Variants in ZNF385B observed in about 807,000 individuals in gnomAD.
The protein encoded by ZNF385B is zinc finger protein 385B, also known as zinc finger protein 533.
ZNF385B carries 23 observed loss-of-function variants against 39.2 expected under a neutral mutation model. The observed-to-expected ratio is 0.59, with a 90% CI of 0.42 to 0.83. The LOEUF (loss-of-function observed/expected upper bound fraction) is 0.83. ZNF385B is among the 40% of genes least tolerant of loss of function. ZNF385B has a pLI of 0.00. For synonymous variants in ZNF385B, 205 were observed against 222.6 expected, an observed-to-expected ratio of 0.92 and a Z score of 0.70; for missense variants, 552 against 598.9, an observed-to-expected ratio of 0.92 and a Z score of 0.82.
At chr2:179,629,736 A>G (rs1298365162) in intron 3 of ZNF385B, among the ~76,000 whole-genome samples, 2 of 152,290 alleles carry the variant, frequency 1.3e-5, no homozygotes, top group East Asian at 1.9e-4. Context: ...AGGAAGCACA[A>G]GGGGCTGGGG....
chr2:179,524,907 T>G (rs1170757193), intron 4 of ZNF385B, among the ~76,000 whole-genome samples: 1 of 152,078 alleles, frequency 6.6e-6, no homozygotes, highest in Non-Finnish European at 1.5e-5. Flanking sequence ...TTTCTAGCTG[T>G]GTAATAACAA....
Position 179,700,328 on chromosome 2 carries a change from C to T in ZNF385B, c.298+69175G>A, listed in dbSNP as rs145225059. Among the ~76,000 whole-genome samples, 36 of 152,268 alleles carry T rather than the reference C, an allele frequency of 2.4e-4. No individual in the cohort carries two copies. In the East Asian group the frequency reaches 2.5e-3, roughly 11 times the overall value. ...TCCACTGGATCCACATTCCATCGCT[C>T]GTATGGTATGGAATCCTTTCCATCT... On this transcript the variant is annotated intron_variant, in intron 3 of 9. Coordinates refer to ENST00000410066, the MANE Select transcript of ZNF385B (RefSeq NM_152520.6).
intron 3 of ZNF385B, among the ~76,000 whole-genome samples, chr2:179,634,730 G>A (rs1226795875): frequency 2.0e-5 from 3 of 152,104 alleles, no homozygotes; most frequent in Non-Finnish European, 4.4e-5. Flanking sequence ...TATAAATCAT[G>A]CTAGTATAAA....
intron 2 of ZNF385B, 73 bp from the exon 3 acceptor site, chr2:179,769,875 C>T (rs1703915007): frequency 6.3e-6 from 9 of 1,419,784 alleles, no homozygotes; most frequent in African/African-American, 5.7e-5. Context: ...TACAATTAAT[C>T]TTTAAGGGTT....
intron 6 of ZNF385B, among the ~76,000 whole-genome samples, chr2:179,452,226 G>T (rs527732679): frequency 2.0e-5 from 3 of 152,174 alleles, no homozygotes; most frequent in African/African-American, 7.2e-5. Flanking sequence ...AGCTCCAAAT[G>T]CTTGAAAACT....
At chr2:179,730,847 A>C (rs1701342920) in intron 3 of ZNF385B, among the ~76,000 whole-genome samples, 2 of 152,226 alleles carry the variant, frequency 1.3e-5, no homozygotes, top group African/African-American at 4.8e-5. Flanking sequence ...TAAAATCAAA[A>C]GTATAATTAA....
chr2:179,612,225 C>G (rs1024893219), intron 3 of ZNF385B, among the ~76,000 whole-genome samples: 4 of 152,082 alleles, frequency 2.6e-5, no homozygotes, highest in Non-Finnish European at 5.9e-5. Context: ...GTCCTTGATG[C>G]CTTATTTAGT....
intron 3 of ZNF385B, among the ~76,000 whole-genome samples, chr2:179,650,159 T>G (rs1693077102): frequency 6.6e-6 from 1 of 152,248 alleles, no homozygotes; most frequent in South Asian, 2.1e-4. Context: ...TACCTGTGTT[T>G]ACTGTCATGT....
At chr2:179,484,730 C>A (rs887893196) in intron 5 of ZNF385B, among the ~76,000 whole-genome samples, 1 of 151,808 alleles carries the variant, frequency 6.6e-6, no homozygotes, top group Non-Finnish European at 1.5e-5. Flanking sequence ...GCTAAAACAG[C>A]GAAAGATGCA....
At chr2:179,730,519 T>C (rs1001151315) in intron 3 of ZNF385B, among the ~76,000 whole-genome samples, 3 of 152,240 alleles carry the variant, frequency 2.0e-5, no homozygotes, top group Admixed American at 1.3e-4. Flanking sequence ...TTCTGCAAGA[T>C]TCTTCCTCCA....
At chr2:179,571,193 A>G (rs1685174186) in intron 3 of ZNF385B, among the ~76,000 whole-genome samples, 1 of 152,200 alleles carries the variant, frequency 6.6e-6, no homozygotes. Flanking sequence ...AACTGGACAA[A>G]GTCTTTGTTA....
At chr2:179,731,571 A>G (rs1032851739) in intron 3 of ZNF385B, among the ~76,000 whole-genome samples, 1 of 152,118 alleles carries the variant, frequency 6.6e-6, no homozygotes, top group Admixed American at 6.5e-5. Context: ...TCTTAATAAC[A>G]CCCATGCCAG....
chr2:179,563,811 T>G (rs1461458468), intron 3 of ZNF385B, among the ~76,000 whole-genome samples: 1 of 152,168 alleles, frequency 6.6e-6, no homozygotes. Context: ...AAAAAAGTCT[T>G]CATCTATGAT....
chr2:179,786,163 G>T (rs1246219236), intron 1 of ZNF385B, among the ~76,000 whole-genome samples: 3 of 152,056 alleles, frequency 2.0e-5, no homozygotes, highest in Non-Finnish European at 4.4e-5. Context: ...ATTAAGGTAT[G>T]TACATTTTTT....
At chr2:179,523,297 A>AC (rs1449488130) in intron 4 of ZNF385B, among the ~76,000 whole-genome samples, 2 of 137,596 alleles carry the variant, frequency 1.5e-5, no homozygotes, top group Non-Finnish European at 3.2e-5. Context: ...AATAAGAACA[A>AC]TTTTTTTTTT....
intron 5 of ZNF385B, among the ~76,000 whole-genome samples, chr2:179,495,379 G>C (rs558800545): frequency 1.3e-5 from 2 of 152,328 alleles, no homozygotes; most frequent in East Asian, 3.9e-4. Flanking sequence ...TTTGACTCTA[G>C]TACTCAACTG....
intron 3 of ZNF385B, among the ~76,000 whole-genome samples, chr2:179,733,169 C>T (rs16866968): frequency 0.22 from 32,807 of 152,054 alleles, 4,026 homozygotes; most frequent in East Asian, 0.49. Flanking sequence ...AGAGGGTCAG[C>T]GCAACTCCTG....
chr2:179,540,229 C>T (rs1473533942), intron 4 of ZNF385B, among the ~76,000 whole-genome samples: 1 of 152,064 alleles, frequency 6.6e-6, no homozygotes, highest in East Asian at 1.9e-4. Flanking sequence ...GAAGGATCAC[C>T]TGAGGTTGGG....
chr2:179,850,655 G>A (rs574725312), intron 1 of ZNF385B, among the ~76,000 whole-genome samples: 34 of 152,324 alleles, frequency 2.2e-4, no homozygotes, highest in Non-Finnish European at 4.6e-4. Context: ...ACAGCAGCCA[G>A]GGAGGTGTGG....
Sources: allele counts gnomAD v4.1 joint callset (sites outside exome capture counted in the v4.1 genomes callset), GRCh38; gene constraint gnomAD v4.1.1; transcripts MANE v1.5; gene names NCBI Gene and HGNC (gene_info 2026-07-23, HGNC 2026-07-21).